KRT17: variants seen among roughly 807,000 people sequenced by gnomAD.
KRT17 encodes keratin 17.
KRT17 carries 29 observed loss-of-function variants against 45.6 expected under a neutral mutation model. The ratio of observed to expected loss-of-function variants is 0.64; its 90% CI spans 0.47 to 0.87. The LOEUF (loss-of-function observed/expected upper bound fraction) is 0.87, where lower values mean the gene tolerates loss of function less well. KRT17 is among the 40% of genes least tolerant of loss of function. The pLI, the probability that KRT17 is intolerant of heterozygous loss-of-function variation, is 0.00. For synonymous variants in KRT17, 219 were observed against 234.6 expected, an observed-to-expected ratio of 0.93 and a Z score of 0.61; for missense variants, 536 against 577.8, an observed-to-expected ratio of 0.93 and a Z score of 0.74.
Position 41,619,694 on chromosome 17 carries a change from G to A in KRT17, c.1205-6C>T, listed in dbSNP as rs903557949. 1.9e-6 allele frequency: 3 copies of A among 1,612,038 alleles called. No homozygotes were observed. The highest frequency in any genetic ancestry group is 2.7e-5 in the African/African-American group (2 of 74,842). Reference sequence around the variant, plus strand: ...CACCTGACGGGTGGTCACCGCTGCAGGAGAAGCAGGCAATTTAAAGTGGGT... The same window carrying A: ...CACCTGACGGGTGGTCACCGCTGCAAGAGAAGCAGGCAATTTAAAGTGGGT... On this transcript the variant is annotated splice_region_variant and splice_polypyrimidine_tract_variant and intron_variant, in intron 7 of 7. Transcript: ENST00000311208.
intron 6 of KRT17, 47 bp downstream of exon 6, chr17:41,620,612 C>T: frequency 6.2e-7 from 1 of 1,611,422 alleles, no homozygotes; most frequent in Non-Finnish European, 8.5e-7. Flanking sequence ...GAGAGCCCCA[C>T]CCCTGCCAAG....
At chr17:41,620,175 C>T in intron 7 of KRT17, 1 of 985,396 alleles carries the variant, frequency 1.0e-6, no homozygotes, top group Non-Finnish European at 1.2e-6. Context: ...CATCAGGCTA[C>T]AGACCCCAGA....
chr17:41,620,400 C>A, intron 7 of KRT17, 136 bp downstream of exon 7: 1 of 1,600,510 alleles, frequency 6.2e-7, no homozygotes, highest in Non-Finnish European at 8.5e-7. Flanking sequence ...ATCCTCAGTG[C>A]TAATGAGTCA....
At chr17:41,620,909 G>C (rs1251267554) in intron 5 of KRT17, 30 bp from the exon 6 acceptor site, 6 of 1,613,944 alleles carry the variant, frequency 3.7e-6, no homozygotes, top group African/African-American at 1.3e-5. Flanking sequence ...CCAGGGGTCA[G>C]TGAGGATGGT....
chr17:41,621,766 G>T lies in KRT17; in HGVS notation c.673-12C>A. 1 of 1,612,016 alleles carries T rather than the reference G, an allele frequency of 6.2e-7. No homozygotes were observed. The highest frequency in any genetic ancestry group is 1.1e-5 in the South Asian group (1 of 90,988). ...AGGGCGTTCATCTCCTATGGAAAAAGGGGATGTGGATGTGCGCATCTGGAC... is the reference window on the plus strand; with the variant it reads ...AGGGCGTTCATCTCCTATGGAAAAATGGGATGTGGATGTGCGCATCTGGAC... On this transcript the variant is annotated splice_polypyrimidine_tract_variant and intron_variant, in intron 3 of 7. Coordinates refer to ENST00000311208, the MANE Select transcript of KRT17 (RefSeq NM_000422.3).
At position 41,619,705 on chromosome 17, in the gene KRT17, C is replaced by T. The variant is rs767030762; in HGVS notation, c.1205-17G>A. The T allele has an allele frequency of 5.0e-6, 8 of 1,612,112 alleles. No individual in the cohort carries two copies. The highest frequency in any genetic ancestry group is 5.9e-6 in the Non-Finnish European group (7 of 1,179,952). On this transcript the variant is annotated splice_polypyrimidine_tract_variant and intron_variant, in intron 7 of 7. Transcript: ENST00000311208. ...TGGTCACCGCTGCAGGAGAAGCAGGCAATTTAAAGTGGGTAGGGGCCAGGA... is the reference window on the plus strand; with the variant it reads ...TGGTCACCGCTGCAGGAGAAGCAGGTAATTTAAAGTGGGTAGGGGCCAGGA...
chr17:41,624,368 G>A lies in KRT17; in HGVS notation c.142C>T (p.Leu48=), dbSNP rs1389317274. The A allele has an allele frequency of 1.9e-6, 3 of 1,611,098 alleles. No homozygotes were observed. The highest frequency in any genetic ancestry group is 2.5e-6 in the Non-Finnish European group (3 of 1,179,716). Residue 48 remains leucine (L), a synonymous_variant, in exon 1 of 8, where the codon CTG becomes TTG. Coordinates refer to ENST00000311208, the MANE Select transcript of KRT17 (RefSeq NM_000422.3). ...GSCRLGSAGG[L]GSTLGGSSYS... ...CTGCTACCCCCGAGGGTGCTGCCCAGGCCGCCAGCAGATCCCAGCCTGCAG... is the reference window on the plus strand; with the variant it reads ...CTGCTACCCCCGAGGGTGCTGCCCAAGCCGCCAGCAGATCCCAGCCTGCAG...
chr17:41,619,719 T>G (rs751080355), intron 7 of KRT17, 31 bp from the exon 8 acceptor site: 15 of 1,611,712 alleles, frequency 9.3e-6, no homozygotes, highest in Non-Finnish European at 1.2e-5. Context: ...TTAAAGTGGG[T>G]AGGGGCCAGG....
rs762455178 is a variant in KRT17, at chr17:41,624,435, G to A, written c.75C>T (p.Ser25=). The A allele has an allele frequency of 2.5e-6, 4 of 1,610,106 alleles. No individual in the cohort carries two copies. Among genetic ancestry groups the A allele is most frequent in the Non-Finnish European group, 2.5e-6 (3 of 1,179,390 alleles). Residue 25 remains serine, a synonymous_variant, in exon 1 of 8, where the codon TCC becomes TCT. Coordinates refer to ENST00000311208, the MANE Select transcript of KRT17 (RefSeq NM_000422.3). ...CGCCAGACAGCCGGCAGGAGGTGCG[G>A]GACGAGCCGCCCCCCAGGCCGGAGG... is the stretch of plus-strand genomic sequence containing the variant. The part of the protein sequence containing the change: ...KGSSGLGGGS[S]RTSCRLSGGL...
intron 7 of KRT17, chr17:41,620,035 C>G (rs775443514): frequency 2.3e-5 from 23 of 985,414 alleles, no homozygotes; most frequent in Non-Finnish European, 2.8e-5. Context: ...CCATCTCCCC[C>G]ATCAGACTGG....
chr17:41,623,773 C>G (rs1486648603), intron 1 of KRT17, among the ~76,000 whole-genome samples: 1 of 152,178 alleles, frequency 6.6e-6, no homozygotes, highest in Admixed American at 6.5e-5. Flanking sequence ...ACGGGCCCAG[C>G]CCTCCATCTG....
chr17:41,622,093 T>A, intron 3 of KRT17: 1 of 599,286 alleles, frequency 1.7e-6, no homozygotes, highest in Non-Finnish European at 3.0e-6. Flanking sequence ...CCCACCCTCA[T>A]GAGGGAGGCA....
intron 1 of KRT17, chr17:41,623,235 A>T (rs1908607947): frequency 1.8e-6 from 1 of 555,608 alleles, no homozygotes; most frequent in African/African-American, 1.9e-5. Context: ...TCAGTACCCC[A>T]CCAGACCCCC....
chr17:41,624,411 G>A lies in KRT17; in HGVS notation c.99C>T (p.Gly33=), dbSNP rs547257458. The A allele has an allele frequency of 2.8e-4, 454 of 1,610,244 alleles. 4 individuals carry two copies. In the South Asian group the frequency reaches 3.8e-3, roughly 13 times the overall value. The change falls in exon 1 of 8, where the codon GGC becomes GGT. Residue 33 remains glycine (G), a synonymous_variant. Transcript: ENST00000311208. ...GSSRTSCRLS[G]GLGAGSCRLG... ...GCCTGCAGGAGCCGGCACCCAGGCC[G>A]CCAGACAGCCGGCAGGAGGTGCGGG...
In KRT17 at chr17:41,621,652, G is replaced by T. The variant is rs767853340; in HGVS notation, c.775C>A (p.Gln259Lys). ...LSRILNEMRD[Q>K]YEKMAEKNRK... is the part of the protein sequence containing the mutation. ...TTCTTCTCTGCCATCTTCTCATACT[G>T]GTCACGCATCTCGTTGAGGATGCGG... Residue 259 changes from glutamine to lysine, a missense_variant, in exon 4 of 8, where the codon CAG (glutamine) becomes AAG (lysine). Gln to Lys is a moderately conservative substitution (Grantham distance 53). Transcript: ENST00000311208. 13 of 1,612,188 alleles carry T rather than the reference G, an allele frequency of 8.1e-6. No homozygotes were observed. The highest frequency in any genetic ancestry group is 1.0e-5 in the Non-Finnish European group (12 of 1,179,860).
At chr17:41,619,734 C>A (rs1284295202) in intron 7 of KRT17, 46 bp from the exon 8 acceptor site, 48 of 1,611,308 alleles carry the variant, frequency 3.0e-5, no homozygotes, top group Non-Finnish European at 3.8e-5. Flanking sequence ...GCCAGGAGGC[C>A]CTCGCTTGCC....
rs1908638856 is a variant in KRT17 at position 41,624,083 on chromosome 17, T to C, written c.427A>G (p.Asn143Asp). 6.2e-7 allele frequency: 1 copy of C among 1,612,054 alleles called. No individual in the cohort carries two copies. Among genetic ancestry groups the C allele is most frequent in the Non-Finnish European group, 8.5e-7 (1 of 1,179,884 alleles). Residue 143 changes from asparagine to aspartate, a missense_variant, in exon 1 of 8, where the codon AAC becomes GAC. By Grantham distance (23) the Asn-to-Asp change is conservative. Transcript: ENST00000311208. ...QYYRTIEELQ[N>D]KILTATVDNA... ...CTCCCACCAGCAGGCCCTACCTTGT[T>C]CTGCAGCTCCTCAATTGTCCTGTAG...
At position 41,621,067 on chromosome 17, in the gene KRT17, C is replaced by T. The variant is rs1288557793; in HGVS notation, c.859G>A (p.Ala287Thr). The change falls in exon 5 of 8, where the codon GCC becomes ACC. Residue 287 changes from alanine (A) to threonine (T), a missense_variant. Transcript: ENST00000311208. Reference sequence around the variant, plus strand: ...CTCTGCACCAGCTCACTGTTGGTGGCCACCTCGCGGTTCAGTTCCTCTGTC... The same window carrying T: ...CTCTGCACCAGCTCACTGTTGGTGGTCACCTCGCGGTTCAGTTCCTCTGTC... ...SKTEELNREV[A>T]TNSELVQSGK... 1 of 1,613,834 alleles carries T rather than the reference C, an allele frequency of 6.2e-7. No homozygotes were observed. Among genetic ancestry groups the T allele is most frequent in the East Asian group, 2.2e-5 (1 of 44,898 alleles).
At position 41,619,707 on chromosome 17, in the gene KRT17, A is replaced by C. The variant is rs139199060; in HGVS notation, c.1205-19T>G. 8,559 of 1,611,994 alleles carry C rather than the reference A, an allele frequency of 5.3e-3. 393 individuals are homozygous for C. The African/African-American group carries it at 0.1, about 19-fold the overall frequency. ...GTCACCGCTGCAGGAGAAGCAGGCA[A>C]TTTAAAGTGGGTAGGGGCCAGGAGG... On this transcript the variant is annotated intron_variant, in intron 7 of 7. Coordinates refer to ENST00000311208, the MANE Select transcript of KRT17 (RefSeq NM_000422.3).
Sources: gnomAD v4.1 joint callset for allele counts (sites outside exome capture counted in the v4.1 genomes callset) on GRCh38, gnomAD v4.1.1 for gene constraint, MANE v1.5 for transcripts, NCBI Gene and HGNC (gene_info 2026-07-23, HGNC 2026-07-21) for gene names.